UTRN: variants seen among roughly 807,000 people sequenced by gnomAD.
UTRN encodes the protein dystrophin-related protein 1.
A neutral mutation model predicts 463.9 loss-of-function variants in UTRN; 283 were observed. The observed-to-expected ratio is 0.61, with a 90% confidence interval of 0.55 to 0.67. The LOEUF is 0.67. UTRN is among the 30% of genes least tolerant of loss of function. The pLI is 0.00. For synonymous variants in UTRN, 1,442 were observed against 1,431.5 expected, an observed-to-expected ratio of 1.01 and a Z score of -0.17; for missense variants, 3,922 against 4,084.3, an observed-to-expected ratio of 0.96 and a Z score of 1.08.
intron 73 of UTRN, among the ~76,000 whole-genome samples, chr6:144,846,168 T>C (rs141869302): frequency 3.3e-5 from 5 of 152,348 alleles, no homozygotes; most frequent in East Asian, 3.9e-4. Flanking sequence ...TTCACTGTTA[T>C]GGGCTCTGGA....
intron 51 of UTRN, among the ~76,000 whole-genome samples, chr6:144,613,763 T>C (rs2128643957): frequency 6.6e-6 from 1 of 152,140 alleles, no homozygotes; most frequent in Admixed American, 6.6e-5. Flanking sequence ...AAATTAATTA[T>C]ACTTCAATAA....
intron 2 of UTRN, among the ~76,000 whole-genome samples, chr6:144,307,768 A>G (rs1286177912): frequency 1.3e-5 from 2 of 151,990 alleles, no homozygotes; most frequent in East Asian, 1.9e-4. Flanking sequence ...TTTTGTTGCT[A>G]AAAGTGGCAA....
chr6:144,422,218 C>G (rs532375710), intron 4 of UTRN, among the ~76,000 whole-genome samples: 1 of 151,806 alleles, frequency 6.6e-6, no homozygotes. Context: ...CTGAGACAGC[C>G]CAGGATGAGA....
At chr6:144,393,149 C>A (rs756159685) in intron 2 of UTRN, among the ~76,000 whole-genome samples, 4 of 152,186 alleles carry the variant, frequency 2.6e-5, no homozygotes, top group Non-Finnish European at 5.9e-5. Flanking sequence ...AAAACCAAGT[C>A]AGACTCCTCT....
intron 53 of UTRN, among the ~76,000 whole-genome samples, chr6:144,720,022 A>G (rs570596627): frequency 7.2e-5 from 11 of 152,352 alleles, no homozygotes; most frequent in African/African-American, 2.6e-4. Flanking sequence ...TTCTTAGCTC[A>G]GTCCATATGA....
chr6:144,350,696 A>T (rs954091887), intron 2 of UTRN, among the ~76,000 whole-genome samples: 21 of 152,160 alleles, frequency 1.4e-4, no homozygotes, highest in East Asian at 7.7e-4. Flanking sequence ...CTTTTCATGC[A>T]TTGCTCATTT....
At chr6:144,814,776 G>A (rs1399021900) in intron 65 of UTRN, among the ~76,000 whole-genome samples, 1 of 152,140 alleles carries the variant, frequency 6.6e-6, no homozygotes, top group Non-Finnish European at 1.5e-5. Flanking sequence ...TACGTAATAT[G>A]ATAAAAAGCA....
chr6:144,335,615 T>C (rs1776657725), intron 2 of UTRN, among the ~76,000 whole-genome samples: 1 of 152,218 alleles, frequency 6.6e-6, no homozygotes. Context: ...CTGTACTGCA[T>C]GGAACAGAGT....
intron 50 of UTRN, among the ~76,000 whole-genome samples, chr6:144,571,715 A>G (rs575430639): frequency 1.3e-4 from 20 of 152,118 alleles, no homozygotes; most frequent in Non-Finnish European, 1.5e-5. Flanking sequence ...TTTGTTTCCT[A>G]TGTGTTTGTT....
At chr6:144,456,830 A>C (rs1475148270) in intron 19 of UTRN, among the ~76,000 whole-genome samples, 1 of 152,064 alleles carries the variant, frequency 6.6e-6, no homozygotes, top group Non-Finnish European at 1.5e-5. Context: ...ATGTGGCTTT[A>C]TGAATCAATG....
At chr6:144,452,093 C>T (rs1431002712) in intron 18 of UTRN, among the ~76,000 whole-genome samples, 1 of 152,152 alleles carries the variant, frequency 6.6e-6, no homozygotes, top group Non-Finnish European at 1.5e-5. Context: ...ATAGTCTAGT[C>T]TCCTGCCATC....
chr6:144,311,291 G>A lies in UTRN; in HGVS notation c.79+19384G>A, dbSNP rs17073623. Reference sequence around the variant, plus strand: ...TGGAGGCTCATTTTAGGAATGTGACGATGCATTGCTGATAGGTAGGATGTG... The same window carrying A: ...TGGAGGCTCATTTTAGGAATGTGACAATGCATTGCTGATAGGTAGGATGTG... On this transcript the variant is annotated intron_variant, in intron 2 of 74. Coordinates refer to ENST00000367545, the MANE Select transcript of UTRN (RefSeq NM_007124.3). 8.4e-3 allele frequency among the ~76,000 whole-genome samples: 1,272 copies of A among 152,292 alleles called. 78 individuals are homozygous for A. In the East Asian group the frequency reaches 0.16, roughly 19 times the overall value.
chr6:144,393,115 A>G (rs1433054197), intron 2 of UTRN, among the ~76,000 whole-genome samples: 1 of 152,142 alleles, frequency 6.6e-6, no homozygotes, highest in East Asian at 1.9e-4. Context: ...ATTTGGAAAC[A>G]CCTATAACAT....
intron 2 of UTRN, among the ~76,000 whole-genome samples, chr6:144,314,686 A>C (rs1297779157): frequency 6.6e-6 from 1 of 152,210 alleles, no homozygotes; most frequent in Admixed American, 6.5e-5. Context: ...TTCTGCAGAA[A>C]ATGTATGAAT....
intron 2 of UTRN, among the ~76,000 whole-genome samples, chr6:144,319,661 G>A (rs1192806899): frequency 6.6e-6 from 1 of 152,038 alleles, no homozygotes. Context: ...TTGATCTCCT[G>A]GGCTCAAATG....
chr6:144,652,810 C>T (rs1287929376), intron 51 of UTRN, among the ~76,000 whole-genome samples: 3 of 152,128 alleles, frequency 2.0e-5, no homozygotes, highest in Non-Finnish European at 4.4e-5. Flanking sequence ...ATTGACCAGC[C>T]CACTGCTGCA....
At chr6:144,521,303 T>A (rs1206059132) in intron 39 of UTRN, among the ~76,000 whole-genome samples, 1 of 151,380 alleles carries the variant, frequency 6.6e-6, no homozygotes, top group Non-Finnish European at 1.5e-5. Context: ...CCCAAAAAAA[T>A]AAAAATGAAA....
chr6:144,511,698 T>G (rs7739143), intron 35 of UTRN, among the ~76,000 whole-genome samples: 66,121 of 151,972 alleles, frequency 0.44, 15,371 homozygotes, highest in African/African-American at 0.59. Flanking sequence ...CAATTTTAGA[T>G]TTTGCTATGA....
At chr6:144,542,223 G>T (rs1191354537) in intron 45 of UTRN, among the ~76,000 whole-genome samples, 2 of 152,174 alleles carry the variant, frequency 1.3e-5, no homozygotes, top group Admixed American at 6.5e-5. Flanking sequence ...TATGAAACGG[G>T]TGTCAGGGAA....
Sources: gnomAD v4.1 joint callset for allele counts (sites outside exome capture counted in the v4.1 genomes callset) on GRCh38, gnomAD v4.1.1 for gene constraint, MANE v1.5 for transcripts, NCBI Gene and HGNC (gene_info 2026-07-23, HGNC 2026-07-21) for gene names.